NLGN1: variants seen among roughly 807,000 people sequenced by gnomAD.
The protein encoded by NLGN1 is neuroligin 1, also known as neuroligin-1.
NLGN1 carries 12 observed loss-of-function variants against 65.5 expected under a neutral mutation model. That is an observed-to-expected ratio of 0.18 (90% CI 0.12 to 0.30). The LOEUF is 0.30. NLGN1 is among the 10% of genes least tolerant of loss of function. The probability of loss-of-function intolerance (pLI) is 1.00; values close to 1 mark genes in which losing one functional copy is unlikely to be tolerated. For missense variants in NLGN1, 750 were observed against 1,007.1 expected (o/e 0.74, Z 3.46); for synonymous variants, 350 against 359.5 (o/e 0.97, Z 0.30).
At chr3:173,861,910 C>A (rs2150807712) in intron 4 of NLGN1, among the ~76,000 whole-genome samples, 1 of 151,380 alleles carries the variant, frequency 6.6e-6, no homozygotes, top group Middle Eastern at 3.4e-3. Flanking sequence ...AGATGCACAC[C>A]ACCACACCCA....
intron 2 of NLGN1, among the ~76,000 whole-genome samples, chr3:173,503,614 C>G (rs893962799): frequency 1.3e-5 from 2 of 152,048 alleles, no homozygotes; most frequent in African/African-American, 4.8e-5. Context: ...ATTTGGCCTA[C>G]TAAGCTGTTA....
At chr3:173,683,108 C>G (rs951401825) in intron 3 of NLGN1, among the ~76,000 whole-genome samples, 5 of 152,100 alleles carry the variant, frequency 3.3e-5, no homozygotes, top group African/African-American at 1.2e-4. Context: ...ATATTTCTTT[C>G]TCCCATTTAG....
upstream of NLGN1, chr3:173,396,572 G>A (rs1716663415): frequency 1.3e-5 from 2 of 152,178 alleles, no homozygotes. Flanking sequence ...TTTTGAGCCT[G>A]TTTTTTAAAA....
intron 2 of NLGN1, among the ~76,000 whole-genome samples, chr3:173,481,727 CAT>C (rs1016136414): frequency 6.6e-6 from 1 of 151,700 alleles, no homozygotes; most frequent in Non-Finnish European, 1.5e-5. Context: ...TCAATTAAAT[CAT>C]ATGGTTTTTA....
intron 3 of NLGN1, among the ~76,000 whole-genome samples, chr3:173,657,883 CT>C (rs976582416): frequency 1.3e-5 from 2 of 151,792 alleles, no homozygotes; most frequent in African/African-American, 4.8e-5. Flanking sequence ...TATGACTCTC[CT>C]TTTTTTCATA....
At chr3:173,559,795 C>G (rs1742356268) in intron 2 of NLGN1, among the ~76,000 whole-genome samples, 1 of 151,894 alleles carries the variant, frequency 6.6e-6, no homozygotes, top group Non-Finnish European at 1.5e-5. Context: ...ATTTTTATGG[C>G]TAGTAAAATG....
intron 4 of NLGN1, among the ~76,000 whole-genome samples, chr3:173,808,755 A>T (rs890823706): frequency 6.6e-5 from 10 of 152,256 alleles, no homozygotes; most frequent in African/African-American, 2.4e-4. Context: ...AAGAAGCGTA[A>T]ATTATAATTT....
intron 4 of NLGN1, among the ~76,000 whole-genome samples, chr3:174,204,249 T>G (rs1277858042): frequency 6.6e-6 from 1 of 152,218 alleles, no homozygotes; most frequent in Non-Finnish European, 1.5e-5. Flanking sequence ...CAGAGCAATT[T>G]TGTTGTTCTT....
chr3:174,274,849 C>T (rs570561287), intron 4 of NLGN1, among the ~76,000 whole-genome samples: 3 of 151,756 alleles, frequency 2.0e-5, no homozygotes, highest in Admixed American at 6.6e-5. Flanking sequence ...CAGAAATACC[C>T]GCCTGCTCTA....
intron 3 of NLGN1, among the ~76,000 whole-genome samples, chr3:173,639,788 T>C (rs1757122315): frequency 6.6e-6 from 1 of 152,224 alleles, no homozygotes; most frequent in South Asian, 2.1e-4. Flanking sequence ...CAGGGAATGC[T>C]GCACATTTTA....
chr3:174,115,916 C>T (rs1265808503), intron 4 of NLGN1, among the ~76,000 whole-genome samples: 1 of 152,160 alleles, frequency 6.6e-6, no homozygotes, highest in East Asian at 1.9e-4. Context: ...TATGTCTCTA[C>T]ATTAGATGAG....
intron 2 of NLGN1, among the ~76,000 whole-genome samples, chr3:173,491,263 C>T (rs921797260): frequency 1.6e-4 from 24 of 151,874 alleles, no homozygotes; most frequent in East Asian, 5.8e-4. Flanking sequence ...TTTTGAGATA[C>T]GTCCCATCAA....
At chr3:173,729,092 T>A (rs1772343652) in intron 3 of NLGN1, among the ~76,000 whole-genome samples, 1 of 152,034 alleles carries the variant, frequency 6.6e-6, no homozygotes, top group Admixed American at 6.6e-5. Context: ...ATGAAAACAC[T>A]AAGACTTTGA....
At chr3:174,114,931 T>G (rs1281608451) in intron 4 of NLGN1, among the ~76,000 whole-genome samples, 1 of 152,044 alleles carries the variant, frequency 6.6e-6, no homozygotes, top group Non-Finnish European at 1.5e-5. Flanking sequence ...GCAAGTAAAC[T>G]GAGTTACAGA....
At chr3:174,008,065 C>G (rs1048717693) in intron 4 of NLGN1, among the ~76,000 whole-genome samples, 8 of 152,002 alleles carry the variant, frequency 5.3e-5, no homozygotes, top group Admixed American at 1.3e-4. Context: ...CAGAAGAGCT[C>G]TGTATCCATT....
intron 3 of NLGN1, among the ~76,000 whole-genome samples, chr3:173,637,659 G>A (rs1446852314): frequency 1.3e-5 from 2 of 152,074 alleles, no homozygotes; most frequent in African/African-American, 4.8e-5. Flanking sequence ...GCATGTCTAT[G>A]TAGGACAGAT....
At chr3:173,947,325 T>C (rs1034157231) in intron 4 of NLGN1, among the ~76,000 whole-genome samples, 6 of 152,064 alleles carry the variant, frequency 3.9e-5, no homozygotes, top group Admixed American at 6.6e-5. Context: ...ACTGGCTCAG[T>C]TGTTAGGATT....
In NLGN1 at chr3:173,544,168, A is replaced by G. The variant is rs1158190033; in HGVS notation, c.-320-60111A>G. On this transcript the variant is annotated intron_variant, in intron 2 of 6. Coordinates refer to ENST00000457714, the Ensembl canonical transcript of NLGN1. ...GTAAGGCATAATAGCATGCCAAGTC[A>G]TCATAAAGACATTGCCTTCTTCCAA... is the stretch of plus-strand genomic sequence containing the variant. 2.6e-5 allele frequency among the ~76,000 whole-genome samples: 4 copies of G among 152,216 alleles called. No individual in the cohort carries two copies. The South Asian group carries it at 6.2e-4, about 24-fold the overall frequency.
chr3:174,247,401 T>C (rs1382772747), intron 4 of NLGN1, among the ~76,000 whole-genome samples: 2 of 152,178 alleles, frequency 1.3e-5, no homozygotes, highest in Non-Finnish European at 2.9e-5. Flanking sequence ...CTGAAGGTAG[T>C]GTGGATGGCT....
Sources: allele counts gnomAD v4.1 joint callset (sites outside exome capture counted in the v4.1 genomes callset), GRCh38; gene constraint gnomAD v4.1.1; transcripts MANE v1.5; gene names NCBI Gene and HGNC (gene_info 2026-07-23, HGNC 2026-07-21).